Variants in RILPL1 observed in about 807,000 individuals in gnomAD.
RILPL1 encodes the protein RILP-like protein 1.
Under a neutral mutation model 50.3 loss-of-function variants are expected in RILPL1, and 33 were observed. That is an observed-to-expected ratio of 0.66 (90% CI 0.50 to 0.88). The LOEUF (loss-of-function observed/expected upper bound fraction) is 0.88, where lower values mean the gene tolerates loss of function less well. Ranked by LOEUF, RILPL1 falls within the 40% of genes least tolerant of loss-of-function variation. The pLI is 0.00. For synonymous variants in RILPL1, 205 were observed against 228.6 expected, an observed-to-expected ratio of 0.90 and a Z score of 0.93; for missense variants, 418 against 542.5, an observed-to-expected ratio of 0.77 and a Z score of 2.28.
In RILPL1 at chr12:123,533,556, C is replaced by A; in HGVS notation, c.-74G>T. On this transcript the variant is annotated 5_prime_UTR_variant, in exon 1 of 7. Transcript: ENST00000376874. The surrounding 1 kb of genome is among the most constrained non-coding windows in gnomAD (Gnocchi z 6.2). ...AAACTTGCCGCTGTCGAGGGCCGGG[C>A]CGGCCGGGCCCAGCCTGGGCCGCGG... 6 of 1,308,820 alleles carry A rather than the reference C, an allele frequency of 4.6e-6. No homozygotes were observed. The highest frequency in any genetic ancestry group is 6.0e-6 in the Non-Finnish European group (6 of 1,007,410). The allele number at this position is 1,308,820 out of a possible 1,614,324, so 81.1% of individuals were successfully genotyped here.
rs756591351 is a variant in RILPL1 at position 123,489,815 on chromosome 12, A to G, written c.802-4010T>C. ...ACTCTGGGCATTAGTAGTATAGATC[A>G]GAGGTTGCAAACTAAGCTCTTAGAC... is the stretch of plus-strand genomic sequence containing the variant. On this transcript the variant is annotated intron_variant, in intron 4 of 6. Transcript: ENST00000376874. This position sits in a 1 kb window ranked among gnomAD's most constrained non-coding sequence, Gnocchi z 4.0. Among the ~76,000 whole-genome samples, 3 of 152,170 alleles carry G rather than the reference A, an allele frequency of 2.0e-5. No individual in the cohort carries two copies. The highest frequency in any genetic ancestry group is 4.4e-5 in the Non-Finnish European group (3 of 68,024).
rs1008063358 is a variant in RILPL1, at chr12:123,491,029, C to T, written c.802-5224G>A. 6.6e-5 allele frequency among the ~76,000 whole-genome samples: 10 copies of T among 152,186 alleles called. No homozygotes were observed. Among genetic ancestry groups the T allele is most frequent in the Non-Finnish European group, 1.2e-4 (8 of 68,036 alleles). ...CCTCCCAAAGTGTTGGGATTACAGG[C>T]GTGAGCCACCATGCCCGCCCTGACT... On this transcript the variant is annotated intron_variant, in intron 4 of 6. Coordinates refer to ENST00000376874, the MANE Select transcript of RILPL1 (RefSeq NM_178314.5). This position sits in a 1 kb window ranked among gnomAD's most constrained non-coding sequence, Gnocchi z 4.0.
intron 2 of RILPL1, among the ~76,000 whole-genome samples, chr12:123,507,199 A>G (rs946220358): frequency 2.0e-5 from 3 of 152,158 alleles, no homozygotes; most frequent in African/African-American, 7.2e-5. Context: ...CTCAACAGGC[A>G]GGTGTGCCCA....
intron 1 of RILPL1, among the ~76,000 whole-genome samples, chr12:123,532,707 G>GT (rs1488309995): frequency 1.6e-5 from 2 of 121,820 alleles, no homozygotes; most frequent in African/African-American, 3.1e-5. Context: ...GGAGACTGGG[G>GT]GGGGGGGGGA....
intron 2 of RILPL1, among the ~76,000 whole-genome samples, chr12:123,507,253 C>A (rs1883804646): frequency 6.6e-6 from 1 of 152,158 alleles, no homozygotes; most frequent in African/African-American, 2.4e-5. Flanking sequence ...CTGTACAACC[C>A]ACACTGTGCA....
intron 2 of RILPL1, 42 bp downstream of exon 2, chr12:123,523,453 G>A: frequency 3.7e-6 from 6 of 1,612,418 alleles, no homozygotes; most frequent in South Asian, 2.2e-5. Context: ...AATAAGAAAA[G>A]GAATGGCCGG....
At chr12:123,530,207 C>T (rs528464561) in intron 1 of RILPL1, among the ~76,000 whole-genome samples, 1 of 151,978 alleles carries the variant, frequency 6.6e-6, no homozygotes, top group African/African-American at 2.4e-5. Flanking sequence ...ACTCTGTCAC[C>T]CAGGCTGGAG....
chr12:123,495,814 G>T (rs989089440), intron 4 of RILPL1, among the ~76,000 whole-genome samples: 10 of 150,490 alleles, frequency 6.6e-5, no homozygotes, highest in African/African-American at 2.2e-4. Flanking sequence ...CCGAGTAGCT[G>T]GGACTACAGG....
At chr12:123,490,249 G>A (rs1882603751) in intron 4 of RILPL1, among the ~76,000 whole-genome samples, 1 of 152,092 alleles carries the variant, frequency 6.6e-6, no homozygotes, top group Non-Finnish European at 1.5e-5. Flanking sequence ...GCCCTTCAAA[G>A]GAACTCCCAA....
chr12:123,472,521 G>A lies in RILPL1; in HGVS notation c.*17C>T. On this transcript the variant is annotated 3_prime_UTR_variant, in exon 7 of 7. Transcript: ENST00000376874. ...GGTGGCGGGCAGTCCAGGTTGGAGG[G>A]TGGAGATGGGCCAAGGTCACAGATG... 6.4e-7 allele frequency: 1 copy of A among 1,550,432 alleles called. No individual in the cohort carries two copies. Among genetic ancestry groups the A allele is most frequent in the Non-Finnish European group, 8.7e-7 (1 of 1,146,974 alleles).
At chr12:123,531,113 A>AG (rs1412343456) in intron 1 of RILPL1, among the ~76,000 whole-genome samples, 1 of 121,618 alleles carries the variant, frequency 8.2e-6, no homozygotes, top group Non-Finnish European at 1.7e-5. Context: ...GAGACTCTGC[A>AG]GGAAAAAAAA....
intron 5 of RILPL1, 93 bp from the exon 6 acceptor site, chr12:123,484,365 G>A (rs1882193528): frequency 1.1e-6 from 1 of 880,164 alleles, no homozygotes; most frequent in Non-Finnish European, 1.9e-6. Flanking sequence ...GTCTGAGAGG[G>A]TGCATGCTTT....
intron 6 of RILPL1, among the ~76,000 whole-genome samples, chr12:123,483,266 G>A (rs1882117947): frequency 6.6e-6 from 1 of 152,226 alleles, no homozygotes; most frequent in Admixed American, 6.5e-5. Context: ...TCACAGTGTG[G>A]GCTCTGGGGC....
intron 4 of RILPL1, among the ~76,000 whole-genome samples, chr12:123,492,205 C>A (rs567521065): frequency 5.9e-5 from 8 of 135,070 alleles, no homozygotes; most frequent in African/African-American, 2.3e-4. Context: ...CGGCCTGAGA[C>A]CCTGTCTCAA....
At chr12:123,477,337 C>CTTTTT (rs371346379) in intron 6 of RILPL1, among the ~76,000 whole-genome samples, 48 of 105,332 alleles carry the variant, frequency 4.6e-4, no homozygotes, top group African/African-American at 1.2e-3. Flanking sequence ...TTCTTTCTTT[C>CTTTTT]TTTTTTTTTT....
At position 123,485,286 on chromosome 12, in the gene RILPL1, C is replaced by G; in HGVS notation, c.974+347G>C. 2.2e-6 allele frequency: 1 copy of G among 455,280 alleles called. No homozygotes were observed. Among genetic ancestry groups the G allele is most frequent in the Non-Finnish European group, 4.4e-6 (1 of 227,926 alleles). 28.2% of individuals were successfully genotyped at this position (455,280 alleles called of 1,614,324 possible). On this transcript the variant is annotated intron_variant, in intron 5 of 6. Coordinates refer to ENST00000376874, the MANE Select transcript of RILPL1 (RefSeq NM_178314.5). The surrounding 1 kb of genome is among the most constrained non-coding windows in gnomAD (Gnocchi z 4.0). ...TAGGAGGTGAAAAGGGCCACATAGACCATTAACACCGGGGCCGGGTTTCAT... is the reference window on the plus strand; with the variant it reads ...TAGGAGGTGAAAAGGGCCACATAGAGCATTAACACCGGGGCCGGGTTTCAT...
At chr12:123,510,809 AGTGTGTGAGGTCTGTGTATGGT>A (rs1884078300) in intron 2 of RILPL1, among the ~76,000 whole-genome samples, 4 of 67,114 alleles carry the variant, frequency 6.0e-5, no homozygotes, top group Non-Finnish European at 1.2e-4. Flanking sequence ...GTGTGTGTGT[AGTGTGTGAGGTCTGTGTATGGT>A]GTGTGTGAGG....
intron 2 of RILPL1, among the ~76,000 whole-genome samples, chr12:123,500,852 G>A (rs1352702150): frequency 6.6e-6 from 1 of 151,632 alleles, no homozygotes; most frequent in African/African-American, 2.4e-5. Flanking sequence ...TGCCTGTAAT[G>A]CCAGCACTTT....
chr12:123,518,072 C>A (rs558509847), intron 2 of RILPL1, among the ~76,000 whole-genome samples: 2 of 152,058 alleles, frequency 1.3e-5, no homozygotes, highest in Non-Finnish European at 2.9e-5. Context: ...GGGCCAATGG[C>A]GTGGTGGGTG....
Sources: allele counts gnomAD v4.1 joint callset (sites outside exome capture counted in the v4.1 genomes callset), GRCh38; gene constraint gnomAD v4.1.1; non-coding constraint Gnocchi (gnomAD v3.1); transcripts MANE v1.5; gene names NCBI Gene and HGNC (gene_info 2026-07-23, HGNC 2026-07-21).